The following SMC5 variants were observed in gnomAD, a reference collection of about 807,000 sequenced individuals.
The protein encoded by SMC5 is structural maintenance of chromosomes 5.
SMC5 carries 88 observed loss-of-function variants against 148.3 expected under a neutral mutation model. The observed-to-expected ratio is 0.59, with a 90% confidence interval of 0.50 to 0.71. The LOEUF (loss-of-function observed/expected upper bound fraction) is 0.71. SMC5 is among the 30% of genes least tolerant of loss of function. The pLI is 0.00. For synonymous variants in SMC5, 421 were observed against 432.8 expected, an observed-to-expected ratio of 0.97 and a Z score of 0.34; for missense variants, 1,142 against 1,298.9, an observed-to-expected ratio of 0.88 and a Z score of 1.86.
Position 70,308,334 on chromosome 9 carries a change from G to A in SMC5, c.1578+2974G>A, listed in dbSNP as rs145081167. On this transcript the variant is annotated intron_variant, in intron 11 of 24. Coordinates refer to ENST00000361138, the MANE Select transcript of SMC5 (RefSeq NM_015110.4). ...GAATTACTAATCTGTGGCCGGGCGCGGTGGCTCACGCTCGTAATCCCAGCA... is the reference window on the plus strand; with the variant it reads ...GAATTACTAATCTGTGGCCGGGCGCAGTGGCTCACGCTCGTAATCCCAGCA... Among the ~76,000 whole-genome samples the A allele has an allele frequency of 5.3e-3, 804 of 152,094 alleles. 8 individuals are homozygous for A. Among genetic ancestry groups the A allele is most frequent in the African/African-American group, 0.019 (771 of 41,478 alleles).
intron 11 of SMC5, among the ~76,000 whole-genome samples, chr9:70,314,441 A>G (rs1402269121): frequency 5.9e-5 from 9 of 152,106 alleles, no homozygotes; most frequent in Non-Finnish European, 1.2e-4. Flanking sequence ...AATACAAGAT[A>G]ATCTGCCAAT....
intron 13 of SMC5, among the ~76,000 whole-genome samples, chr9:70,317,386 T>C (rs1359557684): frequency 6.6e-6 from 1 of 152,224 alleles, no homozygotes; most frequent in East Asian, 1.9e-4. Flanking sequence ...GCTTGAGATG[T>C]CACTTTTATG....
At chr9:70,275,416 GTC>G (rs2034562198) in intron 3 of SMC5, among the ~76,000 whole-genome samples, 1 of 151,992 alleles carries the variant, frequency 6.6e-6, no homozygotes, top group Non-Finnish European at 1.5e-5. Flanking sequence ...GCTCAGACAG[GTC>G]TCGAACTCCT....
chr9:70,322,616 A>G (rs555879892), intron 15 of SMC5, among the ~76,000 whole-genome samples: 1 of 152,238 alleles, frequency 6.6e-6, no homozygotes, highest in Admixed American at 6.5e-5. Context: ...TGCGTGGATC[A>G]CTTGAGGTCA....
chr9:70,286,720 T>G (rs1206313565), intron 8 of SMC5: 2 of 147,310 alleles, frequency 1.4e-5, no homozygotes, highest in Non-Finnish European at 3.0e-5. Flanking sequence ...TTTTCGTCTT[T>G]TTTTTTTTTT....
At position 70,305,187 on chromosome 9, in the gene SMC5, CAT is replaced by C. The variant is rs1278111935; in HGVS notation, c.1465-59_1465-58del. The stretch of plus-strand genomic sequence containing the variant: ...TAATTAAATCCAATTTTAATATAAA[CAT>C]GTTTTAATAATCAGTTGGGTTTCAT... On this transcript the variant is annotated intron_variant, in intron 10 of 24. Coordinates refer to ENST00000361138, the MANE Select transcript of SMC5 (RefSeq NM_015110.4). 7.1e-6 allele frequency: 5 copies of C among 700,752 alleles called. No individual in the cohort carries two copies. In the African/African-American group the frequency reaches 9.0e-5, roughly 13 times the overall value. The allele number at this position is 700,752 out of a possible 1,614,324, so 43.4% of individuals were successfully genotyped here.
chr9:70,278,306 A>G (rs997721304), intron 4 of SMC5, among the ~76,000 whole-genome samples, 185 bp from the exon 5 acceptor site: 2 of 152,130 alleles, frequency 1.3e-5, no homozygotes, highest in African/African-American at 2.4e-5. Context: ...AAGATGATCA[A>G]AAAGGTAACA....
intron 8 of SMC5, among the ~76,000 whole-genome samples, chr9:70,289,200 G>T (rs1248274667): frequency 2.0e-5 from 3 of 152,044 alleles, no homozygotes; most frequent in Non-Finnish European, 4.4e-5. Context: ...ACCACGCCTG[G>T]CTAATTTTTG....
At chr9:70,279,180 A>G (rs868406826) in intron 5 of SMC5, among the ~76,000 whole-genome samples, 2 of 152,184 alleles carry the variant, frequency 1.3e-5, no homozygotes, top group Non-Finnish European at 2.9e-5. Flanking sequence ...TCTTTTTTCT[A>G]CATCCCAGCA....
chr9:70,279,955 C>T (rs1424464975), intron 5 of SMC5, among the ~76,000 whole-genome samples: 1 of 151,826 alleles, frequency 6.6e-6, no homozygotes, highest in East Asian at 1.9e-4. Context: ...ATCTTGTAAC[C>T]AATTGCTTTC....
intron 18 of SMC5, among the ~76,000 whole-genome samples, chr9:70,345,507 A>C (rs2036644309): frequency 6.6e-6 from 1 of 152,120 alleles, no homozygotes; most frequent in African/African-American, 2.4e-5. Flanking sequence ...ACAGTCCTGA[A>C]TGAAGAGAAC....
intron 18 of SMC5, 42 bp downstream of exon 18, chr9:70,344,311 A>G (rs747280055): frequency 7.4e-7 from 1 of 1,353,446 alleles, no homozygotes; most frequent in South Asian, 2.2e-5. Context: ...GCCATATTTA[A>G]CATTTTTAAG....
At chr9:70,326,461 G>C (rs2036078531) in intron 17 of SMC5, among the ~76,000 whole-genome samples, 1 of 151,916 alleles carries the variant, frequency 6.6e-6, no homozygotes, top group South Asian at 2.1e-4. Flanking sequence ...GCTATGCAGT[G>C]ATATATATAT....
intron 17 of SMC5, among the ~76,000 whole-genome samples, chr9:70,335,709 CT>C (rs1381483092): frequency 6.6e-6 from 1 of 152,066 alleles, no homozygotes; most frequent in Non-Finnish European, 1.5e-5. Context: ...TGTTTATTAT[CT>C]TGATGGTAAT....
intron 7 of SMC5, among the ~76,000 whole-genome samples, chr9:70,285,021 T>G (rs900142578): frequency 1.3e-5 from 2 of 151,910 alleles, no homozygotes; most frequent in Non-Finnish European, 2.9e-5. Context: ...TCTCTCTGAG[T>G]TTTAGTCTCC....
intron 11 of SMC5, among the ~76,000 whole-genome samples, chr9:70,308,373 A>T (rs1428517919): frequency 2.0e-5 from 3 of 151,632 alleles, no homozygotes; most frequent in Non-Finnish European, 4.4e-5. Context: ...TGGGAGGCTG[A>T]GGGGGGCGGA....
chr9:70,332,497 C>G (rs889890896), intron 17 of SMC5, among the ~76,000 whole-genome samples: 7 of 143,932 alleles, frequency 4.9e-5, no homozygotes, highest in African/African-American at 1.5e-4. Context: ...GTACTTCAGC[C>G]TGGGTGACAG....
chr9:70,317,095 C>G (rs2035822969), intron 13 of SMC5, among the ~76,000 whole-genome samples: 1 of 151,978 alleles, frequency 6.6e-6, no homozygotes, highest in Non-Finnish European at 1.5e-5. Flanking sequence ...TTTCAAGTAC[C>G]TAGTAAAGAT....
intron 21 of SMC5, 49 bp from the exon 22 acceptor site, chr9:70,347,870 A>G (rs762307037): frequency 5.3e-6 from 8 of 1,516,812 alleles, no homozygotes; most frequent in Admixed American, 2.1e-5. Flanking sequence ...GTGTCAGAAT[A>G]TAGTAATACT....
Sources: gnomAD v4.1 joint callset for allele counts (sites outside exome capture counted in the v4.1 genomes callset) on GRCh38, gnomAD v4.1.1 for gene constraint, MANE v1.5 for transcripts, NCBI Gene and HGNC (gene_info 2026-07-23, HGNC 2026-07-21) for gene names.